Variants in TTC29 observed in about 807,000 individuals in gnomAD.
The protein encoded by TTC29 is tetratricopeptide repeat domain 29, also known as tetratricopeptide repeat protein 29.
Under a neutral mutation model 58.1 loss-of-function variants are expected in TTC29, and 49 were observed. The observed-to-expected ratio is 0.84, with a 90% CI of 0.67 to 1.07. TTC29 has a LOEUF of 1.07. Among genes scored for constraint, TTC29 ranks in the 50% least tolerant of loss-of-function variants. The pLI is 0.00. For missense variants in TTC29, 582 were observed against 555.6 expected, an observed-to-expected ratio of 1.05 and a Z score of -0.48; for synonymous variants, 209 against 196.8, an observed-to-expected ratio of 1.06 and a Z score of -0.52.
intron 8 of TTC29, among the ~76,000 whole-genome samples, chr4:146,861,582 C>T (rs1730234756): frequency 6.6e-6 from 1 of 151,952 alleles, no homozygotes; most frequent in Non-Finnish European, 1.5e-5. Context: ...GTAAAGAGCC[C>T]TTTATCAACA....
intron 8 of TTC29, among the ~76,000 whole-genome samples, chr4:146,835,669 T>G (rs1210960426): frequency 6.6e-6 from 1 of 152,108 alleles, no homozygotes; most frequent in African/African-American, 2.4e-5. Flanking sequence ...CTGATACAAC[T>G]GTGTGAATTA....
chr4:146,721,468 T>C (rs906439061), intron 11 of TTC29, among the ~76,000 whole-genome samples: 6 of 152,204 alleles, frequency 3.9e-5, no homozygotes, highest in Non-Finnish European at 8.8e-5. Context: ...TGAAAACTAA[T>C]ATATTTGTCC....
At chr4:146,717,135 G>T (rs1182954186) in intron 11 of TTC29, among the ~76,000 whole-genome samples, 1 of 152,144 alleles carries the variant, frequency 6.6e-6, no homozygotes, top group Non-Finnish European at 1.5e-5. Context: ...AATATTAATA[G>T]CATGTTGGAA....
chr4:146,755,352 AC>A (rs1478836595), intron 11 of TTC29, among the ~76,000 whole-genome samples: 8 of 152,196 alleles, frequency 5.3e-5, no homozygotes, highest in Admixed American at 6.5e-5. Flanking sequence ...GACATTCTTC[AC>A]TGAAATAGGA....
chr4:146,880,779 C>T (rs1377565106), intron 6 of TTC29, among the ~76,000 whole-genome samples: 1 of 151,974 alleles, frequency 6.6e-6, no homozygotes, highest in African/African-American at 2.4e-5. Context: ...TATTTTGATG[C>T]ACATTTTTGA....
At chr4:146,914,102 T>TAGGTTCCTATCTAA (rs1391891535) in intron 4 of TTC29, among the ~76,000 whole-genome samples, 1 of 152,160 alleles carries the variant, frequency 6.6e-6, no homozygotes, top group Non-Finnish European at 1.5e-5. Context: ...GTTTAATAAA[T>TAGGTTCCTATCTAA]AGGTTCCTAT....
intron 6 of TTC29, 28 bp downstream of exon 6, chr4:146,903,516 C>T (rs1307007615): frequency 6.3e-7 from 1 of 1,577,854 alleles, no homozygotes; most frequent in African/African-American, 1.4e-5. Context: ...AAAACATACC[C>T]AAGGCATCCT....
At chr4:146,720,479 TTACGTAAAGCA>T (rs1393459634) in intron 11 of TTC29, among the ~76,000 whole-genome samples, 1 of 152,114 alleles carries the variant, frequency 6.6e-6, no homozygotes, top group African/African-American at 2.4e-5. Flanking sequence ...AATTTTTATG[TTACGTAAAGCA>T]AAAATTACAC....
At chr4:146,822,859 T>C (rs539525357) in intron 9 of TTC29, among the ~76,000 whole-genome samples, 144 of 152,340 alleles carry the variant, frequency 9.5e-4, no homozygotes, top group African/African-American at 3.3e-3. Flanking sequence ...AGATCAGTGA[T>C]GTTGAGCTTT....
intron 6 of TTC29, among the ~76,000 whole-genome samples, chr4:146,892,683 G>C (rs1034484418): frequency 6.6e-6 from 1 of 152,174 alleles, no homozygotes; most frequent in African/African-American, 2.4e-5. Context: ...GTTCTGGCCA[G>C]GGCAATCAGG....
chr4:146,929,273 T>C (rs1735146858), intron 4 of TTC29, among the ~76,000 whole-genome samples: 1 of 152,208 alleles, frequency 6.6e-6, no homozygotes, highest in Non-Finnish European at 1.5e-5. Flanking sequence ...AAAAAAATGC[T>C]TTGTTATGAA....
At chr4:146,928,909 A>G (rs1296824272) in intron 4 of TTC29, among the ~76,000 whole-genome samples, 3 of 152,206 alleles carry the variant, frequency 2.0e-5, no homozygotes, top group African/African-American at 7.2e-5. Flanking sequence ...CATACTTAGA[A>G]GAAAATTTAG....
At chr4:146,814,724 CAAAAAAAAAAA>C (rs1023402149) in intron 10 of TTC29, among the ~76,000 whole-genome samples, 3 of 35,128 alleles carry the variant, frequency 8.5e-5, no homozygotes, top group Non-Finnish European at 1.9e-4. Flanking sequence ...GACTCCATCT[CAAAAAAAAAAA>C]AAAAAAAAAA....
Position 146,926,525 on chromosome 4 carries a change from A to G in TTC29, c.176+11069T>C, listed in dbSNP as rs570950667. Reference sequence around the variant, plus strand: ...TCCTGCCTTGTCGCCCAGGCTGGAGAGTGCAATGGTGCAATCTTGGCTCAC... The same window carrying G: ...TCCTGCCTTGTCGCCCAGGCTGGAGGGTGCAATGGTGCAATCTTGGCTCAC... On this transcript the variant is annotated intron_variant, in intron 4 of 12. Transcript: ENST00000325106. Among the ~76,000 whole-genome samples the G allele has an allele frequency of 9.9e-5, 15 of 151,694 alleles. No individual in the cohort carries two copies. In the South Asian group the frequency reaches 3.1e-3, roughly 32 times the overall value.
chr4:146,890,196 C>T (rs975923719), intron 6 of TTC29, among the ~76,000 whole-genome samples: 1 of 152,136 alleles, frequency 6.6e-6, no homozygotes, highest in Non-Finnish European at 1.5e-5. Flanking sequence ...AAACTCAAGG[C>T]GTCAGGAGGG....
intron 11 of TTC29, among the ~76,000 whole-genome samples, chr4:146,771,834 C>T (rs1419307030): frequency 2.6e-5 from 4 of 152,014 alleles, no homozygotes; most frequent in African/African-American, 4.8e-5. Context: ...CCCTGCCTTC[C>T]GCAATGGCTG....
At chr4:146,728,961 TTG>T (rs2150017729) in intron 11 of TTC29, among the ~76,000 whole-genome samples, 1 of 150,148 alleles carries the variant, frequency 6.7e-6, no homozygotes, top group East Asian at 2.0e-4. Flanking sequence ...GGAAGGGACT[TTG>T]TTTTGTTTTC....
chr4:146,729,477 A>C (rs1744170250), intron 11 of TTC29, among the ~76,000 whole-genome samples: 1 of 152,108 alleles, frequency 6.6e-6, no homozygotes, highest in South Asian at 2.1e-4. Context: ...TTTGTCATGC[A>C]GAGTTTTTTA....
intron 3 of TTC29, among the ~76,000 whole-genome samples, 198 bp downstream of exon 3, chr4:146,939,606 A>C (rs1736173377): frequency 6.6e-6 from 1 of 152,244 alleles, no homozygotes; most frequent in Non-Finnish European, 1.5e-5. Flanking sequence ...CACTAGGTTA[A>C]TAAATAAATA....
Sources: gnomAD v4.1 joint callset for allele counts (sites outside exome capture counted in the v4.1 genomes callset) on GRCh38, gnomAD v4.1.1 for gene constraint, MANE v1.5 for transcripts, NCBI Gene and HGNC (gene_info 2026-07-23, HGNC 2026-07-21) for gene names.